Variants in PDGFRB observed in about 807,000 individuals in gnomAD.
PDGFRB encodes the protein platelet derived growth factor receptor beta.
In PDGFRB, 42 loss-of-function variants were observed where a neutral mutation model predicts 120.2. The observed-to-expected ratio is 0.35, with a 90% confidence interval of 0.27 to 0.45. The LOEUF is 0.45. Among genes scored for constraint, PDGFRB ranks in the 20% least tolerant of loss-of-function variants. The pLI is 1.00. For missense variants in PDGFRB, 1,149 were observed against 1,476.3 expected, an observed-to-expected ratio of 0.78 and a Z score of 3.63; for synonymous variants, 586 against 606.8, an observed-to-expected ratio of 0.97 and a Z score of 0.50.
intron 1 of PDGFRB, among the ~76,000 whole-genome samples, chr5:150,152,847 G>A (rs148872147): frequency 1.3e-5 from 2 of 152,374 alleles, no homozygotes; most frequent in Non-Finnish European, 2.9e-5. Context: ...GCTGTGAAGT[G>A]CAGGAACTGT....
intron 8 of PDGFRB, 94 bp from the exon 9 acceptor site, chr5:150,130,756 G>T (rs911589740): frequency 2.5e-5 from 26 of 1,055,952 alleles, no homozygotes; most frequent in Non-Finnish European, 3.4e-5. Context: ...AGACTCTCTT[G>T]GGGGAGGAGG....
At position 150,132,913 on chromosome 5, in the gene PDGFRB, C is replaced by T; in HGVS notation, c.964G>A (p.Val322Met). The T allele has an allele frequency of 2.5e-6, 4 of 1,576,362 alleles. No homozygotes were observed. The highest frequency in any genetic ancestry group is 3.4e-6 in the Non-Finnish European group (4 of 1,162,300). Reference sequence around the variant, plus strand: ...AGCTCAGCAAATTGTAGTGTGCCCACCTCTCCCAGGAGCCGCACGTAGCCG... The same window carrying T: ...AGCTCAGCAAATTGTAGTGTGCCCATCTCTCCCAGGAGCCGCACGTAGCCG... Reference protein sequence around the residue: ...ESGYVRLLGEVGTLQFAELHR... With the variant: ...ESGYVRLLGEMGTLQFAELHR... Residue 322 changes from valine to methionine, a missense_variant, in exon 7 of 23, where the codon GTG becomes ATG. By Grantham distance (21) the Val-to-Met change is conservative. This residue lies in a region of PDGFRB where 879 missense variants were observed against 1,108.6 expected (regional missense o/e 0.79). Transcript: ENST00000261799. This position sits in a 1 kb window ranked among gnomAD's most constrained non-coding sequence, Gnocchi z 5.0.
chr5:150,140,708 T>C (rs1336980628), intron 1 of PDGFRB, among the ~76,000 whole-genome samples: 2 of 148,114 alleles, frequency 1.4e-5, no homozygotes, highest in African/African-American at 2.5e-5. Flanking sequence ...GACTGGGAAC[T>C]CCAAGTCAAA....
intron 1 of PDGFRB, among the ~76,000 whole-genome samples, chr5:150,144,543 T>C (rs933358848): frequency 6.6e-6 from 1 of 152,224 alleles, no homozygotes; most frequent in Non-Finnish European, 1.5e-5. Context: ...GCCAGGCTGA[T>C]AAAGAACGGG....
chr5:150,114,110 C>T lies in PDGFRB; in HGVS notation c.*1653G>A. 1 of 233,556 alleles carries T rather than the reference C, an allele frequency of 4.3e-6. No homozygotes were observed. The highest frequency in any genetic ancestry group is 8.5e-6 in the Non-Finnish European group (1 of 117,978). 14.5% of individuals were successfully genotyped at this position (233,556 alleles called of 1,614,324 possible). A position where few individuals can be genotyped will look rare whatever the true frequency, so the allele number is the denominator to read the frequency against. ...GTGCCCAGAGGGGTTGAGCTTCCTG[C>T]ACCCCCTTCCCAACCCTCCCCGTGC... On this transcript the variant is annotated 3_prime_UTR_variant, in exon 23 of 23. Transcript: ENST00000261799.
At chr5:150,148,119 T>A (rs1048561954) in intron 1 of PDGFRB, among the ~76,000 whole-genome samples, 2 of 151,964 alleles carry the variant, frequency 1.3e-5, no homozygotes, top group Non-Finnish European at 2.9e-5. Context: ...CAGTGAGGAG[T>A]GTCTCATCCT....
intron 1 of PDGFRB, among the ~76,000 whole-genome samples, chr5:150,148,099 T>C (rs930530777): frequency 3.9e-5 from 6 of 152,220 alleles, no homozygotes; most frequent in Admixed American, 6.5e-5. Flanking sequence ...CTTTTCAGTG[T>C]CCTGAGGCTC....
chr5:150,133,313 T>C (rs1391681971), intron 6 of PDGFRB, among the ~76,000 whole-genome samples: 1 of 152,006 alleles, frequency 6.6e-6, no homozygotes, highest in Non-Finnish European at 1.5e-5. Context: ...AGTCAGAAAG[T>C]CTAGGTTGAG....
chr5:150,118,128 C>T (rs1367188643), intron 21 of PDGFRB, among the ~76,000 whole-genome samples: 1 of 152,194 alleles, frequency 6.6e-6, no homozygotes, highest in Non-Finnish European at 1.5e-5. Flanking sequence ...CAGGCACAGG[C>T]TCTCATGCTG....
In PDGFRB at chr5:150,124,302, G is replaced by A. The variant is rs138486655; in HGVS notation, c.1971C>T (p.His657=). 178 of 1,614,148 alleles carry A rather than the reference G, an allele frequency of 1.1e-4. No individual in the cohort carries two copies. The East Asian group carries it at 3.9e-3, about 35-fold the overall frequency. The change falls in exon 14 of 23, where the codon CAC becomes CAT. Residue 657 remains histidine, a synonymous_variant. Coordinates refer to ENST00000261799, the MANE Select transcript of PDGFRB (RefSeq NM_002609.4). ...TGACCACGTTCAGGTGGGGCCCAAG[G>A]TGACTCATGATCTTCAGCTCCGACA... ...ALMSELKIMS[H]LGPHLNVVNL...
At chr5:150,148,255 C>T (rs1468006260) in intron 1 of PDGFRB, among the ~76,000 whole-genome samples, 1 of 152,208 alleles carries the variant, frequency 6.6e-6, no homozygotes, top group African/African-American at 2.4e-5. Context: ...ATCAGGATAC[C>T]TACCTAACAA....
rs752093287 is a variant in PDGFRB at position 150,125,449 on chromosome 5, C to T, written c.1803G>A (p.Val601=). ...STWELPRDQL[V]LGRTLGSGAF... ...ATGAGGCCTCTCAGGACTGACCCAG[C>T]ACAAGCTGGTCCCGCGGCAGCTCCC... The change falls in exon 12 of 23, where the codon GTG becomes GTA. Residue 601 remains valine, a synonymous_variant. Coordinates refer to ENST00000261799, the MANE Select transcript of PDGFRB (RefSeq NM_002609.4). 2.5e-6 allele frequency: 4 copies of T among 1,611,636 alleles called. No homozygotes were observed. Among genetic ancestry groups the T allele is most frequent in the Non-Finnish European group, 3.4e-6 (4 of 1,178,272 alleles).
chr5:150,126,565 C>G lies in PDGFRB; in HGVS notation c.1629G>C (p.Val543=). 1 of 1,610,860 alleles carries G rather than the reference C, an allele frequency of 6.2e-7. No homozygotes were observed. The change falls in exon 11 of 23, where the codon GTG becomes GTC. Residue 543 remains valine (V), a synonymous_variant. Coordinates refer to ENST00000261799, the MANE Select transcript of PDGFRB (RefSeq NM_002609.4). ...GGATGATAAGGGAGATGATGGTGAGCACCACCAGGGCCAGGATGGCTGAGA... is the reference window on the plus strand; with the variant it reads ...GGATGATAAGGGAGATGATGGTGAGGACCACCAGGGCCAGGATGGCTGAGA... ...VVISAILALV[V]LTIISLIILI...
rs755623560 is a variant in PDGFRB, at chr5:150,121,312, CCT to C, written c.2353_2354del (p.Arg785AspfsTer45). Reference protein sequence around the residue: ...YDNYVPSAPERTCRATLINES... With the variant: ...YDNYVPSAPEXTCRATLINES... ...CGTTGATCAAAGTTGCTCGGCAGGTCCTCTCAGGGGCTAGAGGAGAAGCAGAG... is the reference window on the plus strand; with the variant it reads ...CGTTGATCAAAGTTGCTCGGCAGGTCCTCAGGGGCTAGAGGAGAAGCAGAG... On this transcript the variant is annotated frameshift_variant, in exon 17 of 23. Transcript: ENST00000261799. LOFTEE classifies it high-confidence loss of function. This position sits in a 1 kb window ranked among gnomAD's most constrained non-coding sequence, Gnocchi z 4.1. 3 of 1,517,956 alleles carry C rather than the reference CCT, an allele frequency of 2.0e-6. No homozygotes were observed. The highest frequency in any genetic ancestry group is 2.7e-6 in the Non-Finnish European group (3 of 1,092,136). 94.0% of individuals were successfully genotyped at this position (1,517,956 alleles called of 1,614,324 possible).
In PDGFRB at chr5:150,121,784, G is replaced by C; in HGVS notation, c.2344+96C>G. 2.1e-6 allele frequency: 2 copies of C among 959,678 alleles called. No homozygotes were observed. The highest frequency in any genetic ancestry group is 2.4e-5 in the East Asian group (1 of 41,700). 59.4% of individuals were successfully genotyped at this position (959,678 alleles called of 1,614,324 possible). A position where few individuals can be genotyped will look rare whatever the true frequency, so the allele number is the denominator to read the frequency against. On this transcript the variant is annotated intron_variant, in intron 16 of 22. Coordinates refer to ENST00000261799, the MANE Select transcript of PDGFRB (RefSeq NM_002609.4). This position sits in a 1 kb window ranked among gnomAD's most constrained non-coding sequence, Gnocchi z 4.1. ...ATTTCTACATCTATGAAATGGGCAC[G>C]AGGCTCCCTTCTTCTCAGGGTTTTT...
At chr5:150,118,411 T>C (rs980824509) in intron 21 of PDGFRB, among the ~76,000 whole-genome samples, 1 of 152,190 alleles carries the variant, frequency 6.6e-6, no homozygotes, top group Non-Finnish European at 1.5e-5. Context: ...TTCATGGTCA[T>C]GTAACCTGGG....
intron 10 of PDGFRB, among the ~76,000 whole-genome samples, chr5:150,126,865 C>T (rs1289152266): frequency 6.6e-6 from 1 of 152,240 alleles, no homozygotes; most frequent in Non-Finnish European, 1.5e-5. Flanking sequence ...CCCTTCAGCC[C>T]TGCCAGTCAG....
In PDGFRB at chr5:150,124,265, C is replaced by A; in HGVS notation, c.2008G>T (p.Ala670Ser). 1 of 1,612,176 alleles carries A rather than the reference C, an allele frequency of 6.2e-7. No homozygotes were observed. Among genetic ancestry groups the A allele is most frequent in the Non-Finnish European group, 8.5e-7 (1 of 1,178,292 alleles). ...PHLNVVNLLG[A>S]CTKGGPIYII... Reference sequence around the variant, plus strand: ...GGCTCGGTACCTCCTTTGGTGCAGGCCCCCAACAGGTTGACCACGTTCAGG... The same window carrying A: ...GGCTCGGTACCTCCTTTGGTGCAGGACCCCAACAGGTTGACCACGTTCAGG... Residue 670 changes from alanine (A) to serine (S), a missense_variant, in exon 14 of 23, where the codon GCC (alanine) becomes TCC (serine). By Grantham distance (99) the Ala-to-Ser change is moderately conservative. Around this residue, in one of 3 missense-constraint regions of PDGFRB, gnomAD observed 879 missense variants for 1,108.6 expected, o/e 0.79. Coordinates refer to ENST00000261799, the MANE Select transcript of PDGFRB (RefSeq NM_002609.4).
Position 150,133,703 on chromosome 5 carries a change from G to A in PDGFRB, c.817C>T (p.Arg273Cys), listed in dbSNP as rs373131428. Residue 273 changes from arginine to cysteine, a missense_variant, in exon 6 of 23, where the codon CGC (arginine) becomes TGC (cysteine). Arg to Cys is a radical substitution (Grantham distance 180). Transcript: ENST00000261799. ...DFLLDMPYHIRSILHIPSAEL... is the reference protein window; with the variant it reads ...DFLLDMPYHICSILHIPSAEL... ...GCACTGGGGATGTGCAGGATGGAGC[G>A]GATGTGGTAAGGCATATCCAAGAGG... 1.1e-5 allele frequency: 18 copies of A among 1,614,070 alleles called. No homozygotes were observed. The highest frequency in any genetic ancestry group is 1.1e-5 in the South Asian group (1 of 91,076).
Sources: allele counts gnomAD v4.1 joint callset (sites outside exome capture counted in the v4.1 genomes callset), GRCh38; gene constraint gnomAD v4.1.1; regional missense constraint gnomAD v4.1.1; non-coding constraint Gnocchi (gnomAD v3.1); transcripts MANE v1.5; gene names NCBI Gene and HGNC (gene_info 2026-07-23, HGNC 2026-07-21).